Variants in GPM6B observed in about 807,000 individuals in gnomAD.
The protein encoded by GPM6B is neuronal membrane glycoprotein M6-b.
A neutral mutation model predicts 27.2 loss-of-function variants in GPM6B; 4 were observed. The ratio of observed to expected loss-of-function variants is 0.15; its 90% confidence interval spans 0.07 to 0.34. The LOEUF is 0.34. Among genes scored for constraint, GPM6B ranks in the 10% least tolerant of loss-of-function variants. The pLI is 1.00. For synonymous variants in GPM6B, 124 were observed against 103.1 expected (o/e 1.20, Z -1.23); for missense variants, 183 against 261.9 (o/e 0.70, Z 2.08).
At chrX:13,785,858 G>C (rs891485734) in intron 2 of GPM6B, 50 bp from the exon 3 acceptor site, 2 of 1,007,952 alleles carry the variant, frequency 2.0e-6, no homozygotes, top group African/African-American at 3.8e-5. Context: ...GAACACCTCT[G>C]GTCTTCAAGA....
intron 2 of GPM6B, among the ~76,000 whole-genome samples, chrX:13,795,067 C>G (rs2048784913): frequency 8.9e-6 from 1 of 112,199 alleles, no homozygotes; most frequent in African/African-American, 3.2e-5. Flanking sequence ...TTGTACCTGC[C>G]ATAGTGAGAC....
At chrX:13,782,161 G>C (rs1254713535) in intron 4 of GPM6B, among the ~76,000 whole-genome samples, 1 of 112,238 alleles carries the variant, frequency 8.9e-6, no homozygotes, top group Admixed American at 9.4e-5. Flanking sequence ...GACAGCGCAT[G>C]AATGACTGGC....
Position 13,897,096 on chromosome X carries a change from G to A in GPM6B, c.-198+41231C>T, listed in dbSNP as rs909055189. Among the ~76,000 whole-genome samples the A allele has an allele frequency of 2.7e-5, 3 of 112,340 alleles. No homozygotes were observed. The Admixed American group carries it at 2.8e-4, about 11-fold the overall frequency. On this transcript the variant is annotated intron_variant, in intron 1 of 6. Coordinates refer to the GPM6B transcript ENST00000398361. The stretch of plus-strand genomic sequence containing the variant: ...AAAAGTCTGTGTTTGCTTGTGTTAA[G>A]TATATACAATACACAGACTCAACAC...
intron 1 of GPM6B, among the ~76,000 whole-genome samples, chrX:13,927,845 G>A (rs2147076008): frequency 8.9e-6 from 1 of 112,064 alleles, no homozygotes; most frequent in East Asian, 2.8e-4. Context: ...AATCTCTCCA[G>A]CTGTATACAT....
rs2049250610 is a variant in GPM6B at position 13,817,088 on chromosome X, C to T, written c.-184G>A. The T allele has an allele frequency of 3.9e-6, 4 of 1,016,074 alleles. No homozygotes were observed. The highest frequency in any genetic ancestry group is 4.1e-4 in the Middle Eastern group (1 of 2,454). 83.7% of individuals were successfully genotyped at this position (1,016,074 alleles called of 1,213,427 possible). A position where few individuals can be genotyped will look rare whatever the true frequency, so the allele number is the denominator to read the frequency against. ...GCAAAAGTCTTGTCAGCGTCAATTT[C>T]GCTCTGCCTACTGGTCCATAAAGAC... On this transcript the variant is annotated 5_prime_UTR_variant, in exon 1 of 8. Coordinates refer to ENST00000316715, the MANE Select transcript of GPM6B (RefSeq NM_001001995.3).
chrX:13,800,081 T>C (rs964174477), intron 2 of GPM6B, among the ~76,000 whole-genome samples: 1 of 111,974 alleles, frequency 8.9e-6, no homozygotes, highest in African/African-American at 3.2e-5. Flanking sequence ...CCTGTTAGCA[T>C]TGTCTCTCTG....
At chrX:13,796,683 G>T (rs973781945) in intron 2 of GPM6B, among the ~76,000 whole-genome samples, 2 of 112,236 alleles carry the variant, frequency 1.8e-5, no homozygotes, top group Non-Finnish European at 3.8e-5. Context: ...TCACTTTTTG[G>T]CAGGTCCTTT....
At chrX:13,794,730 T>TA (rs1370238200) in intron 2 of GPM6B, among the ~76,000 whole-genome samples, 1 of 111,494 alleles carries the variant, frequency 9.0e-6, no homozygotes, top group African/African-American at 3.3e-5. Flanking sequence ...CTCGATGCAA[T>TA]AAAAAATTAT....
chrX:13,865,585 G>GAA (rs1443329487), intron 1 of GPM6B, among the ~76,000 whole-genome samples: 16 of 52,236 alleles, frequency 3.1e-4, no homozygotes, highest in African/African-American at 8.5e-4. Flanking sequence ...GAAAAGAAAA[G>GAA]AAAAAAAAAA....
At chrX:13,895,167 C>A (rs1489922226) in intron 1 of GPM6B, among the ~76,000 whole-genome samples, 2 of 111,747 alleles carry the variant, frequency 1.8e-5, no homozygotes, top group African/African-American at 6.5e-5. Flanking sequence ...ATCACAACAG[C>A]CCAGGGGGAC....
intron 2 of GPM6B, among the ~76,000 whole-genome samples, chrX:13,806,943 T>G (rs1213715966): frequency 8.9e-6 from 1 of 111,917 alleles, no homozygotes. Flanking sequence ...GTGTTGGTTT[T>G]GGGAACGTGG....
chrX:13,789,734 C>G (rs2077744849), intron 2 of GPM6B, among the ~76,000 whole-genome samples: 2 of 111,109 alleles, frequency 1.8e-5, no homozygotes, highest in Admixed American at 1.9e-4. Flanking sequence ...GAGATTGCAC[C>G]ACTGCACTCC....
chrX:13,854,048 C>T (rs2049752515), intron 1 of GPM6B, among the ~76,000 whole-genome samples: 1 of 111,602 alleles, frequency 9.0e-6, no homozygotes, highest in Non-Finnish European at 1.9e-5. Flanking sequence ...GAAATTATCT[C>T]AGGTAGGCTA....
At chrX:13,840,425 C>G (rs1168301327) in intron 1 of GPM6B, among the ~76,000 whole-genome samples, 1 of 111,676 alleles carries the variant, frequency 9.0e-6, no homozygotes, top group East Asian at 2.8e-4. Flanking sequence ...GCTGACACCA[C>G]GCGCCTGACA....
chrX:13,781,425 C>T (rs1347869836), intron 4 of GPM6B, among the ~76,000 whole-genome samples: 2 of 112,074 alleles, frequency 1.8e-5, no homozygotes, highest in Non-Finnish European at 3.8e-5. Flanking sequence ...AAGCTACATA[C>T]CTCCCTCACA....
At chrX:13,851,910 C>T (rs1656287721) in intron 1 of GPM6B, among the ~76,000 whole-genome samples, 1 of 108,881 alleles carries the variant, frequency 9.2e-6, no homozygotes, top group Admixed American at 9.9e-5. Context: ...CCTCCCCTGA[C>T]CCCCCAGCAA....
Position 13,933,966 on chromosome X carries a change from C to A in GPM6B, c.-198+4361G>T, listed in dbSNP as rs778752737. Among the ~76,000 whole-genome samples, 6 of 111,319 alleles carry A rather than the reference C, an allele frequency of 5.4e-5. No individual in the cohort carries two copies. The South Asian group carries it at 2.3e-3, about 43-fold the overall frequency. ...CAGCAAATTAATGTTTAAAGTTAAA[C>A]AAAATGTTTAGGCTACATAAGTGGC... On this transcript the variant is annotated intron_variant, in intron 1 of 6. Coordinates refer to the GPM6B transcript ENST00000398361.
intron 1 of GPM6B, among the ~76,000 whole-genome samples, chrX:13,904,557 C>A (rs1421934625): frequency 1.8e-5 from 2 of 111,482 alleles, no homozygotes; most frequent in African/African-American, 3.3e-5. Flanking sequence ...CAAATTATAT[C>A]GACACAGAGC....
intron 1 of GPM6B, among the ~76,000 whole-genome samples, chrX:13,826,545 AATACATACATACATACACAC>A (rs1428265194): frequency 2.0e-3 from 135 of 65,956 alleles, no homozygotes; most frequent in Non-Finnish European, 3.5e-3. Flanking sequence ...CCTCTATTAA[AATACATACATACATACACAC>A]ATACATACAT....
Sources: gnomAD v4.1 joint callset for allele counts (sites outside exome capture counted in the v4.1 genomes callset) on GRCh38, gnomAD v4.1.1 for gene constraint, MANE v1.5 for transcripts, NCBI Gene and HGNC (gene_info 2026-07-23, HGNC 2026-07-21) for gene names.